The following ZNF618 variants were observed in gnomAD, a reference collection of about 807,000 sequenced individuals.
The protein encoded by ZNF618 is neural precursor cell expressed, developmentally down-regulated 10.
A neutral mutation model predicts 103.0 loss-of-function variants in ZNF618; 34 were observed. That is an observed-to-expected ratio of 0.33 (90% CI 0.25 to 0.44). ZNF618 has a LOEUF of 0.44. Among genes scored for constraint, ZNF618 ranks in the 20% least tolerant of loss-of-function variants. The pLI is 1.00. For synonymous variants in ZNF618, 551 were observed against 542.2 expected, an observed-to-expected ratio of 1.02 and a Z score of -0.23; for missense variants, 1,059 against 1,295.4, an observed-to-expected ratio of 0.82 and a Z score of 2.80.
At position 114,007,418 on chromosome 9, in the gene ZNF618, C is replaced by T. The variant is rs1841847408; in HGVS notation, c.619C>T (p.Arg207Ter). The stretch of plus-strand genomic sequence containing the variant: ...ATACTACAGCTGTTTCCAAGAGCAC[C>T]GAGACCTGCACGCAGTGGATGGTGA... ...YKYYSCFQEH[R>*]DLHAVDVFSV... is the part of the protein sequence containing the mutation. The change falls in exon 7 of 15, where the codon CGA becomes TGA. Residue 207 changes from arginine to a stop codon, truncating the protein, a stop_gained. Transcript: ENST00000374126. LOFTEE classifies it high-confidence loss of function. The T allele has an allele frequency of 1.2e-6, 2 of 1,613,530 alleles. No homozygotes were observed. Among genetic ancestry groups the T allele is most frequent in the Admixed American group, 1.7e-5 (1 of 59,998 alleles).
At chr9:113,989,997 G>A (rs867228576) in intron 3 of ZNF618, among the ~76,000 whole-genome samples, 1 of 152,226 alleles carries the variant, frequency 6.6e-6, no homozygotes, top group South Asian at 2.1e-4. Context: ...AGCATTAAGA[G>A]CCTCCATAAC....
chr9:113,883,981 GGCCCCC>G (rs1828779430), intron 1 of ZNF618, among the ~76,000 whole-genome samples: 1 of 25,662 alleles, frequency 3.9e-5, no homozygotes, highest in Admixed American at 3.3e-4. Flanking sequence ...CTCTGGGCTT[GGCCCCC>G]CCCCCCCCCC....
intron 1 of ZNF618, among the ~76,000 whole-genome samples, chr9:113,951,014 G>T (rs1306522976): frequency 2.7e-5 from 4 of 148,856 alleles, no homozygotes; most frequent in African/African-American, 7.4e-5. Flanking sequence ...AGGAAGGGAG[G>T]GGGGGACAGG....
chr9:114,048,778 C>G lies in ZNF618; in HGVS notation c.1476C>G (p.Phe492Leu), dbSNP rs1469131613. 1 of 1,613,946 alleles carries G rather than the reference C, an allele frequency of 6.2e-7. No individual in the cohort carries two copies. Among genetic ancestry groups the G allele is most frequent in the Non-Finnish European group, 8.5e-7 (1 of 1,179,914 alleles). ...GALSVVSGKEFLKLAQTLVDS... is the reference protein window; with the variant it reads ...GALSVVSGKELLKLAQTLVDS... ...TGAGCGTGGTCAGCGGGAAGGAGTT[C>G]CTGAAGTTGGCCCAGACCTTAGTAG... The change falls in exon 15 of 15, where the codon TTC (phenylalanine) becomes TTG (leucine). Residue 492 changes from phenylalanine (F) to leucine (L), a missense_variant. Phe to Leu is a conservative substitution (Grantham distance 22). Around this residue, in one of 6 missense-constraint regions of ZNF618, gnomAD observed 434 missense variants for 476.0 expected, o/e 0.91. Transcript: ENST00000374126.
chr9:114,028,739 C>G lies in ZNF618; in HGVS notation c.851C>G (p.Ala284Gly). The change falls in exon 11 of 15, where the codon GCC (alanine) becomes GGC (glycine). Residue 284 changes from alanine (A) to glycine (G), a missense_variant. Physicochemically the swap from Ala to Gly is moderately conservative, Grantham distance 60. Around this residue, in one of 6 missense-constraint regions of ZNF618, gnomAD observed 434 missense variants for 476.0 expected, o/e 0.91. Coordinates refer to ENST00000374126, the MANE Select transcript of ZNF618 (RefSeq NM_001318042.2). Reference sequence around the variant, plus strand: ...GAGAGCGTGACCCTCTCAGGTACTGCCCCCGGGTGGGAGCCACCGGATGAT... The same window carrying G: ...GAGAGCGTGACCCTCTCAGGTACTGGCCCCGGGTGGGAGCCACCGGATGAT... ...HVALHAPISTAPGWEPPDDPD... is the reference protein window; with the variant it reads ...HVALHAPISTGPGWEPPDDPD... 2 of 1,549,888 alleles carry G rather than the reference C, an allele frequency of 1.3e-6. No homozygotes were observed. Among genetic ancestry groups the G allele is most frequent in the Admixed American group, 3.9e-5 (2 of 50,988 alleles).
intron 1 of ZNF618, among the ~76,000 whole-genome samples, chr9:113,965,756 A>G (rs1394369984): frequency 6.6e-6 from 1 of 152,216 alleles, no homozygotes; most frequent in Non-Finnish European, 1.5e-5. Flanking sequence ...GAAACAAGCT[A>G]CATCCTTAAG....
chr9:113,971,941 G>A (rs1310701923), intron 2 of ZNF618, among the ~76,000 whole-genome samples: 7 of 152,204 alleles, frequency 4.6e-5, no homozygotes, highest in Non-Finnish European at 8.8e-5. Flanking sequence ...ACCTGGGGTT[G>A]TGTGTGGCTT....
At chr9:114,005,325 C>T (rs1312227302) in intron 6 of ZNF618, among the ~76,000 whole-genome samples, 1 of 152,230 alleles carries the variant, frequency 6.6e-6, no homozygotes, top group Non-Finnish European at 1.5e-5. Context: ...AAAAATGATT[C>T]TGCTCTCCTT....
intron 1 of ZNF618, among the ~76,000 whole-genome samples, chr9:113,881,830 C>T (rs890167210): frequency 3.9e-5 from 6 of 152,206 alleles, no homozygotes; most frequent in African/African-American, 1.4e-4. Flanking sequence ...GAGTAGCCCA[C>T]ATTTCCCTTT....
In ZNF618 at chr9:113,917,397, C is replaced by T. The variant is rs551105979; in HGVS notation, c.33+40984C>T. 5.3e-5 allele frequency among the ~76,000 whole-genome samples: 8 copies of T among 151,740 alleles called. No homozygotes were observed. In the East Asian group the frequency reaches 1.6e-3, roughly 29 times the overall value. ...TGTAGGGAGGGACTACAGGCGTGTGCCACCACACTCGTCTATTTTTTTTTT... is the reference window on the plus strand; with the variant it reads ...TGTAGGGAGGGACTACAGGCGTGTGTCACCACACTCGTCTATTTTTTTTTT... On this transcript the variant is annotated intron_variant, in intron 1 of 14. Transcript: ENST00000374126.
rs536554289 is a variant in ZNF618, at chr9:114,004,086, C to T, written c.550+1424C>T. 3.9e-5 allele frequency among the ~76,000 whole-genome samples: 6 copies of T among 152,210 alleles called. No homozygotes were observed. The South Asian group carries it at 1.2e-3, about 32-fold the overall frequency. ...TAAATAAACATTACCACCCCCTGCC[C>T]AACAAAACCCCAAACCAGAGCAGTT... On this transcript the variant is annotated intron_variant, in intron 6 of 14. Coordinates refer to ENST00000374126, the MANE Select transcript of ZNF618 (RefSeq NM_001318042.2).
At chr9:114,009,788 C>G (rs1292614836) in intron 9 of ZNF618, among the ~76,000 whole-genome samples, 4 of 152,112 alleles carry the variant, frequency 2.6e-5, no homozygotes, top group Admixed American at 6.5e-5. Flanking sequence ...GGGCAGAGCT[C>G]GATCCCAGCT....
At position 114,049,079 on chromosome 9, in the gene ZNF618, G is replaced by A; in HGVS notation, c.1777G>A (p.Asp593Asn). The A allele has an allele frequency of 6.2e-7, 1 of 1,613,866 alleles. No individual in the cohort carries two copies. Among genetic ancestry groups the A allele is most frequent in the Non-Finnish European group, 8.5e-7 (1 of 1,179,892 alleles). Residue 593 changes from aspartate to asparagine, a missense_variant, in exon 15 of 15, where the codon GAC becomes AAC. Around this residue, in one of 6 missense-constraint regions of ZNF618, gnomAD observed 272 missense variants for 380.1 expected, o/e 0.72. Transcript: ENST00000374126. ...VKGADIRDSG[D>N]LVHHWVQNVL... ...GGGTGCGGACATTCGCGACAGCGGT[G>A]ACCTTGTGCACCACTGGGTGCAGAA... is the stretch of plus-strand genomic sequence containing the variant.
Position 113,998,912 on chromosome 9 carries a change from G to A in ZNF618, c.433+558G>A, listed in dbSNP as rs77755206. Among the ~76,000 whole-genome samples, 1,462 of 152,368 alleles carry A rather than the reference G, an allele frequency of 9.6e-3. 30 individuals carry two copies. Among genetic ancestry groups the A allele is most frequent in the African/African-American group, 0.033 (1,370 of 41,590 alleles). On this transcript the variant is annotated intron_variant, in intron 4 of 14. Coordinates refer to ENST00000374126, the MANE Select transcript of ZNF618 (RefSeq NM_001318042.2). ...AGCTGACCTGTATCGTGTGCCTGCT[G>A]TGGACCAGGCCCTGTGCTAAGGAGC...
chr9:113,970,506 G>C (rs1013208652), intron 2 of ZNF618, among the ~76,000 whole-genome samples: 2 of 152,064 alleles, frequency 1.3e-5, no homozygotes, highest in Non-Finnish European at 2.9e-5. Flanking sequence ...TCTCAACTCT[G>C]CCAGTATAAT....
At chr9:113,904,968 A>G (rs1219969807) in intron 1 of ZNF618, among the ~76,000 whole-genome samples, 1 of 152,052 alleles carries the variant, frequency 6.6e-6, no homozygotes, top group Non-Finnish European at 1.5e-5. Flanking sequence ...GTAGCCTAAC[A>G]CCTTCACAGT....
At position 114,050,209 on chromosome 9, in the gene ZNF618, CATT is replaced by C. The variant is rs1846030946; in HGVS notation, c.*44_*46del. On this transcript the variant is annotated 3_prime_UTR_variant, in exon 15 of 15. Coordinates refer to ENST00000374126, the MANE Select transcript of ZNF618 (RefSeq NM_001318042.2). ...AAAAAAAAAGAAAAAGAGAAGATAA[CATT>C]AGAAAAAAACCACACAACACTGTCA... 6.6e-7 allele frequency: 1 copy of C among 1,505,302 alleles called. No individual in the cohort carries two copies. The highest frequency in any genetic ancestry group is 2.3e-5 in the East Asian group (1 of 43,976). 93.2% of individuals were successfully genotyped at this position (1,505,302 alleles called of 1,614,324 possible).
chr9:113,916,705 C>T (rs1832120249), intron 1 of ZNF618, among the ~76,000 whole-genome samples: 1 of 152,208 alleles, frequency 6.6e-6, no homozygotes. Context: ...GAGAACATGT[C>T]ACCCACCTAA....
intron 1 of ZNF618, among the ~76,000 whole-genome samples, chr9:113,911,608 C>T (rs1462421338): frequency 1.3e-5 from 2 of 151,902 alleles, no homozygotes; most frequent in African/African-American, 2.4e-5. Flanking sequence ...GGATCATAGG[C>T]GTGAGCCACC....
Sources: gnomAD v4.1 joint callset for allele counts (sites outside exome capture counted in the v4.1 genomes callset) on GRCh38, gnomAD v4.1.1 for gene constraint, gnomAD v4.1.1 regional missense constraint, MANE v1.5 for transcripts, NCBI Gene and HGNC (gene_info 2026-07-23, HGNC 2026-07-21) for gene names.